The following C2orf76 variants were observed in gnomAD, a reference collection of about 807,000 sequenced individuals.
C2orf76 encodes the protein chromosome 2 open reading frame 76, also known as UPF0538 protein C2orf76.
In C2orf76, 23 loss-of-function variants were observed where a neutral mutation model predicts 16.9. The observed-to-expected ratio is 1.36, with a 90% confidence interval of 0.98 to 1.93. The LOEUF (loss-of-function observed/expected upper bound fraction) is 1.93, where lower values mean the gene tolerates loss of function less well. Among genes scored for constraint, C2orf76 ranks in the 30% most tolerant of loss-of-function variants. The probability of loss-of-function intolerance (pLI) is 0.00; values close to 1 mark genes in which losing one functional copy is unlikely to be tolerated. For missense variants in C2orf76, 152 were observed against 152.6 expected (o/e 1.00, Z 0.02); for synonymous variants, 48 against 52.3 (o/e 0.92, Z 0.35).
Position 119,363,373 on chromosome 2 carries a change from G to A in C2orf76, c.-13+3417C>T, listed in dbSNP as rs1045129367. Among the ~76,000 whole-genome samples the A allele has an allele frequency of 7.3e-5, 11 of 149,806 alleles. 1 individual carries two copies. The highest frequency in any genetic ancestry group is 2.0e-4 in the East Asian group (1 of 5,066). On this transcript the variant is annotated intron_variant, in intron 1 of 5. Coordinates refer to ENST00000334816, the MANE Select transcript of C2orf76 (RefSeq NM_001322331.2). Reference sequence around the variant, plus strand: ...CGGGAGGCGGAGCTTGCAGTGAGCCGAGATCGCACCACTACACTCCAGCCT... The same window carrying A: ...CGGGAGGCGGAGCTTGCAGTGAGCCAAGATCGCACCACTACACTCCAGCCT...
At chr2:119,319,870 A>T (rs1244975278) in intron 3 of C2orf76, among the ~76,000 whole-genome samples, 1 of 152,218 alleles carries the variant, frequency 6.6e-6, no homozygotes, top group Admixed American at 6.5e-5. Flanking sequence ...TGACAATGAC[A>T]GGTGAAAATA....
the C2orf76 span, among the ~76,000 whole-genome samples, chr2:119,293,446 G>T: frequency 6.6e-6 from 1 of 152,246 alleles, no homozygotes; most frequent in East Asian, 1.9e-4. Flanking sequence ...ACCAGGAAGA[G>T]GACCAAGGCC....
rs374622902 is a variant in C2orf76, at chr2:119,364,842, G to A, written c.-13+1948C>T. Reference sequence around the variant, plus strand: ...ACCTGTACTCCCACCACGTTAGGAGGCCAAAGTGGGAGAATCCCTTGAGCC... The same window carrying A: ...ACCTGTACTCCCACCACGTTAGGAGACCAAAGTGGGAGAATCCCTTGAGCC... On this transcript the variant is annotated intron_variant, in intron 1 of 5. Transcript: ENST00000334816. Among the ~76,000 whole-genome samples the A allele has an allele frequency of 2.2e-4, 34 of 152,160 alleles. No homozygotes were observed. The East Asian group carries it at 5.2e-3, about 23-fold the overall frequency.
At chr2:119,340,356 C>G (rs1253135834) in intron 1 of C2orf76, 1 of 166,116 alleles carries the variant, frequency 6.0e-6, no homozygotes, top group Non-Finnish European at 1.3e-5. Flanking sequence ...GGCCCCTCAG[C>G]TGGCCCTGAG....
At chr2:119,329,663 G>T (rs996883604) in intron 2 of C2orf76, among the ~76,000 whole-genome samples, 1 of 151,978 alleles carries the variant, frequency 6.6e-6, no homozygotes, top group African/African-American at 2.4e-5. Flanking sequence ...TGGGAGGCAG[G>T]AGTTGCTTTG....
intron 5 of C2orf76, among the ~76,000 whole-genome samples, chr2:119,304,484 A>G (rs183133814): frequency 6.6e-6 from 1 of 152,252 alleles, no homozygotes; most frequent in Non-Finnish European, 1.5e-5. Context: ...TTTTGGATCC[A>G]GTTAACTGAA....
chr2:119,284,282 G>T, the C2orf76 span, among the ~76,000 whole-genome samples: 1 of 152,154 alleles, frequency 6.6e-6, no homozygotes, highest in Non-Finnish European at 1.5e-5. Context: ...CAGGCTCCTG[G>T]CTAAGCACTT....
At chr2:119,321,241 A>C (rs756539233) in intron 2 of C2orf76, 37 bp from the exon 3 acceptor site, 14 of 1,092,824 alleles carry the variant, frequency 1.3e-5, no homozygotes, top group African/African-American at 5.0e-5. Context: ...ACAATAAGCA[A>C]ATAGACACTC....
the C2orf76 span, among the ~76,000 whole-genome samples, chr2:119,294,067 G>A: frequency 6.6e-6 from 1 of 152,156 alleles, no homozygotes; most frequent in Admixed American, 6.5e-5. Flanking sequence ...AGGTCATCTA[G>A]GGAGAAGATA....
upstream of C2orf76, chr2:119,367,097 C>T (rs779927748): frequency 3.3e-5 from 53 of 1,612,670 alleles, no homozygotes; most frequent in Non-Finnish European, 4.1e-5. Flanking sequence ...GAAGGTGCAG[C>T]GGGCGGGAGG....
the C2orf76 span, among the ~76,000 whole-genome samples, chr2:119,282,108 TGCACTCCAGCC>T: frequency 1.3e-5 from 2 of 151,488 alleles, no homozygotes; most frequent in African/African-American, 4.9e-5. Flanking sequence ...ATCATGCCAT[TGCACTCCAGCC>T]TGGGCAACAG....
intron 1 of C2orf76, among the ~76,000 whole-genome samples, chr2:119,365,028 G>C (rs1457253883): frequency 6.6e-6 from 1 of 152,198 alleles, no homozygotes; most frequent in Admixed American, 6.5e-5. Flanking sequence ...AGGCTGCAGA[G>C]AGCTGAGATT....
chr2:119,337,236 GTT>G (rs1325701391), intron 2 of C2orf76, among the ~76,000 whole-genome samples: 1 of 99,994 alleles, frequency 1.0e-5, no homozygotes, highest in Non-Finnish European at 2.1e-5. Context: ...TTGGGGTTTT[GTT>G]TTGTTTTTTT....
chr2:119,365,851 T>C (rs1680950963), intron 1 of C2orf76, among the ~76,000 whole-genome samples: 3 of 152,102 alleles, frequency 2.0e-5, no homozygotes, highest in Admixed American at 2.0e-4. Context: ...CATCCTCTTT[T>C]CAAACCCTTT....
At chr2:119,293,363 G>A in the C2orf76 span, among the ~76,000 whole-genome samples, 2 of 152,238 alleles carry the variant, frequency 1.3e-5, no homozygotes, top group Non-Finnish European at 2.9e-5. Context: ...ACAGAGGGAA[G>A]AGCAAGTGCA....
chr2:119,319,041 G>C (rs1179113877), intron 3 of C2orf76, among the ~76,000 whole-genome samples: 5 of 151,692 alleles, frequency 3.3e-5, no homozygotes, highest in African/African-American at 4.8e-5. Flanking sequence ...TCTTACTATA[G>C]ATATGTTTAT....
chr2:119,364,910 AAAAAAT>A (rs953353069), intron 1 of C2orf76, among the ~76,000 whole-genome samples: 4 of 151,896 alleles, frequency 2.6e-5, no homozygotes, highest in South Asian at 2.1e-4. Context: ...CCATCTCTAC[AAAAAAT>A]AAAAATAAAA....
chr2:119,298,069 G>A (rs562143443), downstream of C2orf76, among the ~76,000 whole-genome samples: 18 of 152,256 alleles, frequency 1.2e-4, no homozygotes, highest in South Asian at 3.7e-3. Flanking sequence ...TCAGCCTCCT[G>A]AGTAGCTGAA....
chr2:119,309,398 C>CTTTT (rs1193022536), intron 5 of C2orf76, among the ~76,000 whole-genome samples: 9 of 71,360 alleles, frequency 1.3e-4, no homozygotes, highest in African/African-American at 2.4e-4. Context: ...TTCTCTTTTT[C>CTTTT]TTTTTTTTTT....
Sources: allele counts gnomAD v4.1 joint callset (sites outside exome capture counted in the v4.1 genomes callset), GRCh38; gene constraint gnomAD v4.1.1; transcripts MANE v1.5; gene names NCBI Gene and HGNC (gene_info 2026-07-23, HGNC 2026-07-21).